Variants in CEP192 observed in about 807,000 individuals in gnomAD.
CEP192 encodes the protein centrosomal protein of 192 kDa.
In CEP192, 151 loss-of-function variants were observed where a neutral mutation model predicts 271.8. The observed-to-expected ratio is 0.56, with a 90% CI of 0.49 to 0.64. The LOEUF is 0.64. Ranked by LOEUF, CEP192 falls within the 30% of genes least tolerant of loss-of-function variation. The pLI is 0.00. For missense variants in CEP192, 2,910 were observed against 3,020.5 expected (o/e 0.96, Z 0.86); for synonymous variants, 995 against 1,076.5 (o/e 0.92, Z 1.48).
At chr18:13,117,996 C>A (rs1455287710) in intron 44 of CEP192, among the ~76,000 whole-genome samples, 2 of 152,156 alleles carry the variant, frequency 1.3e-5, no homozygotes, top group East Asian at 3.8e-4. Context: ...TGCTGAGAGT[C>A]AAGGACTTAG....
At position 13,029,838 on chromosome 18, in the gene CEP192, G is replaced by A; in HGVS notation, c.1226G>A (p.Cys409Tyr). The A allele has an allele frequency of 6.4e-7, 1 of 1,551,694 alleles. No individual in the cohort carries two copies. Among genetic ancestry groups the A allele is most frequent in the South Asian group, 1.2e-5 (1 of 84,060 alleles). Residue 409 changes from cysteine (C) to tyrosine (Y), a missense_variant, in exon 10 of 45, where the codon TGT becomes TAT. Transcript: ENST00000506447. ...QNKTVLHMDG[C>Y]LDTETPTVSI... ...AAGACAGTTTTGCACATGGATGGATGTTTAGACACTGAGACTCCTACGGTG... is the reference window on the plus strand; with the variant it reads ...AAGACAGTTTTGCACATGGATGGATATTTAGACACTGAGACTCCTACGGTG...
At chr18:13,091,469 C>T (rs1488668510) in intron 33 of CEP192, among the ~76,000 whole-genome samples, 3 of 75,960 alleles carry the variant, frequency 3.9e-5, no homozygotes, top group Admixed American at 3.7e-4. Context: ...CATAGATCAC[C>T]TGGAGTATAA....
intron 40 of CEP192, among the ~76,000 whole-genome samples, chr18:13,112,387 T>C (rs2040246188): frequency 6.6e-6 from 1 of 152,230 alleles, no homozygotes. Flanking sequence ...CCCACAGATG[T>C]GTGATTCTAT....
Position 13,000,091 on chromosome 18 carries a change from C to CTCTCT in CEP192, c.164+504_164+505insCTCTT, listed in dbSNP as rs1555698196. ...CTCTGTATAACTCATTGTCTTCTCT[C>CTCTCT]TTTTTTTTTTTTTTTTTTTTTTTTT... On this transcript the variant is annotated intron_variant, in intron 2 of 44. Coordinates refer to ENST00000506447, the MANE Select transcript of CEP192 (RefSeq NM_032142.4). Among the ~76,000 whole-genome samples the CTCTCT allele has an allele frequency of 1.8e-3, 138 of 76,738 alleles. 2 individuals carry two copies. Among genetic ancestry groups the CTCTCT allele is most frequent in the Non-Finnish European group, 2.5e-3 (91 of 36,530 alleles). 50.3% of individuals were successfully genotyped at this position (76,738 alleles called of 152,430 possible). A position where few individuals can be genotyped will look rare whatever the true frequency, so the allele number is the denominator to read the frequency against.
Position 12,999,438 on chromosome 18 carries a change from G to C in CEP192, c.14G>C (p.Arg5Pro), listed in dbSNP as rs768408870. ...TATTGCAGTGAGATGGAAGATTTTCGAGGTATAGCAGAAGAATCATTTCCA... is the reference window on the plus strand; with the variant it reads ...TATTGCAGTGAGATGGAAGATTTTCCAGGTATAGCAGAAGAATCATTTCCA... Reference protein sequence around the residue: MEDFRGIAEESFPSF... With the variant: MEDFPGIAEESFPSF... The change falls in exon 2 of 45, where the codon CGA (arginine) becomes CCA (proline). Residue 5 changes from arginine (R) to proline (P), a missense_variant. By Grantham distance (103) the Arg-to-Pro change is moderately radical. Transcript: ENST00000506447. 1.4e-5 allele frequency: 21 copies of C among 1,543,334 alleles called. No homozygotes were observed. Among genetic ancestry groups the C allele is most frequent in the Admixed American group, 2.0e-5 (1 of 48,810 alleles).
chr18:13,104,939 C>T, intron 39 of CEP192, 45 bp from the exon 40 acceptor site: 1 of 1,356,774 alleles, frequency 7.4e-7, no homozygotes, highest in Non-Finnish European at 1.1e-6. Flanking sequence ...GGGATTTATC[C>T]ATTGGCTTTA....
At chr18:13,064,271 G>A (rs2037568126) in intron 21 of CEP192, among the ~76,000 whole-genome samples, 1 of 151,916 alleles carries the variant, frequency 6.6e-6, no homozygotes, top group African/African-American at 2.4e-5. Flanking sequence ...ATTTATTCAA[G>A]GGACAGTCTT....
rs2037819726 is a variant in CEP192 at position 13,068,253 on chromosome 18, C to T, written c.4758+16C>T. 1.2e-6 allele frequency: 2 copies of T among 1,612,244 alleles called. No individual in the cohort carries two copies. The highest frequency in any genetic ancestry group is 1.1e-5 in the South Asian group (1 of 91,004). ...TGATGGACAGGTGGGAGAGAACTGG[C>T]TTAGAATTAAAGAGGAAATTAAGCT... On this transcript the variant is annotated intron_variant, in intron 23 of 44. Coordinates refer to ENST00000506447, the MANE Select transcript of CEP192 (RefSeq NM_032142.4).
At chr18:13,123,143 T>C (rs921615851) in intron 44 of CEP192, among the ~76,000 whole-genome samples, 3 of 152,200 alleles carry the variant, frequency 2.0e-5, no homozygotes. Flanking sequence ...TTTTTACTAA[T>C]TCATAAGTTA....
rs2037103963 is a variant in CEP192, at chr18:13,056,397, C to T, written c.3807C>T (p.Leu1269=). The change falls in exon 19 of 45, where the codon CTC becomes CTT. Residue 1269 remains leucine (L), a synonymous_variant. Transcript: ENST00000506447. The part of the protein sequence containing the change: ...APFAQRYLGT[L]PSTGSTTLPQ... ...TTGCTCAGCGGTATTTGGGAACACT[C>T]CCTTCAACTGGAAGCACCACCTTGC... 1.2e-6 allele frequency: 2 copies of T among 1,614,252 alleles called. No homozygotes were observed. Among genetic ancestry groups the T allele is most frequent in the Non-Finnish European group, 1.7e-6 (2 of 1,180,046 alleles).
At chr18:13,119,044 G>A (rs1210638203) in intron 44 of CEP192, among the ~76,000 whole-genome samples, 1 of 152,124 alleles carries the variant, frequency 6.6e-6, no homozygotes, top group Non-Finnish European at 1.5e-5. Context: ...GTTATTGTAG[G>A]CTGCCCCAAT....
rs1194189264 is a variant in CEP192 at position 13,102,151 on chromosome 18, G to T, written c.6872-1358G>T. On this transcript the variant is annotated intron_variant, in intron 38 of 44. Transcript: ENST00000506447. ...CTCCTGCCACCCCCCACAGCTGGGG[G>T]CCCTTCTTTCCTCTGGGAGCTCCTG... Among the ~76,000 whole-genome samples, 3 of 151,916 alleles carry T rather than the reference G, an allele frequency of 2.0e-5. No individual in the cohort carries two copies. The East Asian group carries it at 5.8e-4, about 29-fold the overall frequency.
intron 42 of CEP192, 66 bp from the exon 43 acceptor site, chr18:13,116,311 A>T: frequency 6.9e-7 from 1 of 1,452,024 alleles, no homozygotes; most frequent in South Asian, 1.2e-5. Context: ...TAATTTTAAT[A>T]TATAAAAACA....
chr18:13,101,593 G>A (rs942963061), intron 38 of CEP192, among the ~76,000 whole-genome samples: 5 of 152,240 alleles, frequency 3.3e-5, no homozygotes, highest in African/African-American at 1.2e-4. Context: ...CTGTTAGAGA[G>A]GATATGGGTG....
intron 15 of CEP192, among the ~76,000 whole-genome samples, chr18:13,044,216 T>C (rs1305986117): frequency 1.3e-5 from 2 of 152,182 alleles, no homozygotes. Context: ...ATCAACTCTT[T>C]GGATTTCCTG....
chr18:13,002,590 T>C (rs2033722614), intron 3 of CEP192, among the ~76,000 whole-genome samples: 1 of 152,210 alleles, frequency 6.6e-6, no homozygotes, highest in Non-Finnish European at 1.5e-5. Context: ...CATTGCTCTT[T>C]AGAAAACTTG....
chr18:12,994,455 C>G (rs944756966), intron 1 of CEP192, among the ~76,000 whole-genome samples: 4 of 151,774 alleles, frequency 2.6e-5, no homozygotes, highest in Non-Finnish European at 5.9e-5. Context: ...TGACAGGCCT[C>G]ATAGAGTTTT....
At position 13,052,804 on chromosome 18, in the gene CEP192, T is replaced by C. The variant is rs765183169; in HGVS notation, c.3018-115T>C. The C allele has an allele frequency of 1.1e-4, 72 of 681,996 alleles. 1 individual carries two copies. The highest frequency in any genetic ancestry group is 1.1e-4 in the Non-Finnish European group (45 of 420,138). 42.2% of individuals were successfully genotyped at this position (681,996 alleles called of 1,614,324 possible). On this transcript the variant is annotated intron_variant, in intron 17 of 44. Transcript: ENST00000506447. ...AATTTTAGATAATTAAGTGTAAACA[T>C]TGAATTTGTGGTTGAGTCATTTGCA...
chr18:13,053,588 A>T (rs2036920020), intron 18 of CEP192, among the ~76,000 whole-genome samples: 1 of 152,212 alleles, frequency 6.6e-6, no homozygotes. Context: ...GAAGTGTATG[A>T]GGCTAGAAGA....
Sources: gnomAD v4.1 joint callset for allele counts (sites outside exome capture counted in the v4.1 genomes callset) on GRCh38, gnomAD v4.1.1 for gene constraint, MANE v1.5 for transcripts, NCBI Gene and HGNC (gene_info 2026-07-23, HGNC 2026-07-21) for gene names.